The following IFT74 variants were observed in gnomAD, a reference collection of about 807,000 sequenced individuals.
IFT74 encodes the protein intraflagellar transport protein 74 homolog.
In IFT74, 92 loss-of-function variants were observed where a neutral mutation model predicts 96.7. The ratio of observed to expected loss-of-function variants is 0.95; its 90% CI spans 0.80 to 1.13. The LOEUF (loss-of-function observed/expected upper bound fraction) is 1.13, where lower values mean the gene tolerates loss of function less well. Among genes scored for constraint, IFT74 ranks in the 50% most tolerant of loss-of-function variants. The pLI is 0.00. For missense variants in IFT74, 811 were observed against 698.2 expected (o/e 1.16, Z -1.82); for synonymous variants, 223 against 213.2 (o/e 1.05, Z -0.40).
At position 26,984,560 on chromosome 9, in the gene IFT74, G is replaced by C. The variant is rs181479307; in HGVS notation, c.465+1G>C. On this transcript the variant is annotated splice_donor_variant, in intron 6 of 19. Transcript: ENST00000380062. LOFTEE classifies it high-confidence loss of function. ...AGGACAACTAGCAGACTACAACATG[G>C]TATTTTATCTTTTCTAAGAGAATTT... 4.4e-6 allele frequency: 7 copies of C among 1,603,540 alleles called. No homozygotes were observed.
Position 27,060,879 on chromosome 9 carries a change from G to A in IFT74, c.1684+228G>A, listed in dbSNP as rs959579137. 13 of 244,064 alleles carry A rather than the reference G, an allele frequency of 5.3e-5. No individual in the cohort carries two copies. In the East Asian group the frequency reaches 9.7e-4, roughly 18 times the overall value. 15.1% of individuals were successfully genotyped at this position (244,064 alleles called of 1,614,324 possible). A position where few individuals can be genotyped will look rare whatever the true frequency, so the allele number is the denominator to read the frequency against. ...TGGGAGGCTGAGGCAGGAGAATGGC[G>A]TGAAACCGGGAGGTGGAGCTCTCAG... On this transcript the variant is annotated intron_variant, in intron 19 of 19. Transcript: ENST00000380062.
intron 2 of IFT74, among the ~76,000 whole-genome samples, chr9:26,967,898 C>T (rs1254135436): frequency 6.6e-6 from 1 of 152,136 alleles, no homozygotes; most frequent in Non-Finnish European, 1.5e-5. Flanking sequence ...TTGATTTGCA[C>T]ATGTTGAACT....
chr9:26,961,913 C>T, intron 1 of IFT74, 36 bp from the exon 2 acceptor site: 5 of 1,607,066 alleles, frequency 3.1e-6, no homozygotes, highest in Non-Finnish European at 3.4e-6. Flanking sequence ...CTAGAGAAGA[C>T]ATCAAAGGAT....
chr9:27,028,867 CTAA>C, intron 12 of IFT74, 155 bp from the exon 13 acceptor site: 1 of 572,362 alleles, frequency 1.7e-6, no homozygotes, highest in Non-Finnish European at 2.9e-6. Flanking sequence ...AAAAGATATC[CTAA>C]TGTCATCGTC....
chr9:27,010,097 C>G (rs1219083167), intron 9 of IFT74, among the ~76,000 whole-genome samples: 2 of 151,760 alleles, frequency 1.3e-5, no homozygotes, highest in African/African-American at 2.4e-5. Context: ...ATGCCATTCT[C>G]CTGCCTCAGC....
intron 8 of IFT74, chr9:26,997,649 A>G: frequency 6.9e-7 from 1 of 1,454,446 alleles, no homozygotes; most frequent in Admixed American, 2.3e-5. Context: ...CTTTTCTTTA[A>G]AACGTGATAT....
At chr9:26,971,553 A>G (rs1188715236) in intron 2 of IFT74, among the ~76,000 whole-genome samples, 1 of 152,102 alleles carries the variant, frequency 6.6e-6, no homozygotes, top group African/African-American at 2.4e-5. Flanking sequence ...GGAAGAGAAA[A>G]TGGGGACTGT....
chr9:27,065,475 G>T lies in IFT74; in HGVS notation c.*2739G>T, dbSNP rs891251970. ...CATGCTGAGCAGTTTTACTAGTGAA[G>T]ATCAACATGGGAAAGTTAGCAAGTC... On this transcript the variant is annotated 3_prime_UTR_variant, in exon 20 of 20. Coordinates refer to ENST00000380062, the MANE Select transcript of IFT74 (RefSeq NM_025103.4). 6.6e-6 allele frequency among the ~76,000 whole-genome samples: 1 copy of T among 152,182 alleles called. No homozygotes were observed. Among genetic ancestry groups the T allele is most frequent in the Non-Finnish European group, 1.5e-5 (1 of 68,012 alleles).
intron 2 of IFT74, among the ~76,000 whole-genome samples, chr9:26,962,575 A>G (rs556861959): frequency 6.6e-6 from 1 of 152,378 alleles, no homozygotes; most frequent in African/African-American, 2.4e-5. Flanking sequence ...GGAGCATTCA[A>G]TAGAACATTC....
chr9:27,004,642 G>T (rs1828679153), intron 8 of IFT74, among the ~76,000 whole-genome samples: 1 of 152,196 alleles, frequency 6.6e-6, no homozygotes, highest in African/African-American at 2.4e-5. Flanking sequence ...TCAACAGTTG[G>T]TTTAAAAGGA....
intron 12 of IFT74, among the ~76,000 whole-genome samples, chr9:27,026,891 A>G (rs1366347725): frequency 6.6e-6 from 1 of 152,206 alleles, no homozygotes; most frequent in Non-Finnish European, 1.5e-5. Flanking sequence ...ACAAATAGAC[A>G]ATCTAACGTT....
At chr9:26,985,401 A>G (rs1252696511) in intron 6 of IFT74, among the ~76,000 whole-genome samples, 1 of 152,198 alleles carries the variant, frequency 6.6e-6, no homozygotes, top group Non-Finnish European at 1.5e-5. Flanking sequence ...ATGACAGTTT[A>G]TCTGTAAAAC....
chr9:27,054,938 T>C (rs1177731949), intron 16 of IFT74, among the ~76,000 whole-genome samples: 1 of 152,226 alleles, frequency 6.6e-6, no homozygotes, highest in South Asian at 2.1e-4. Flanking sequence ...AAATGTGTGA[T>C]AGGTAAACTT....
chr9:26,983,483 A>G (rs1354588021), intron 4 of IFT74, among the ~76,000 whole-genome samples: 1 of 152,158 alleles, frequency 6.6e-6, no homozygotes, highest in Non-Finnish European at 1.5e-5. Flanking sequence ...AGGAAGTGCT[A>G]CTGATACTCA....
intron 13 of IFT74, among the ~76,000 whole-genome samples, chr9:27,044,505 T>C (rs1028748540): frequency 6.6e-6 from 1 of 152,188 alleles, no homozygotes; most frequent in South Asian, 2.1e-4. Flanking sequence ...TAGCCCCAGG[T>C]TGGGAATGGA....
At chr9:27,012,638 G>A (rs569016971) in intron 10 of IFT74, among the ~76,000 whole-genome samples, 33 of 148,586 alleles carry the variant, frequency 2.2e-4, no homozygotes, top group South Asian at 1.9e-3. Flanking sequence ...TATTTAAAAC[G>A]CTTTATTTCA....
At chr9:27,000,494 CTT>C (rs1828422950) in intron 8 of IFT74, among the ~76,000 whole-genome samples, 1 of 152,118 alleles carries the variant, frequency 6.6e-6, no homozygotes, top group Non-Finnish European at 1.5e-5. Flanking sequence ...CCCATGGTAA[CTT>C]TTAAAAATTT....
At chr9:26,956,408 C>A (rs899770072), upstream of IFT74, 3 of 152,246 alleles carry the variant, frequency 2.0e-5, no homozygotes, top group Admixed American at 2.0e-4. Context: ...CCGCGGCGCA[C>A]GGCAGTTAGT....
intron 8 of IFT74, chr9:26,995,830 T>G: frequency 1.9e-6 from 3 of 1,603,870 alleles, no homozygotes; most frequent in Non-Finnish European, 2.6e-6. Context: ...AAGCCCAACT[T>G]TTTCCAAGAG....
Sources: allele counts gnomAD v4.1 joint callset (sites outside exome capture counted in the v4.1 genomes callset), GRCh38; gene constraint gnomAD v4.1.1; transcripts MANE v1.5; gene names NCBI Gene and HGNC (gene_info 2026-07-23, HGNC 2026-07-21).